Variants in MAPK10 observed in about 807,000 individuals in gnomAD.
MAPK10 encodes the protein JNK3 alpha protein kinase.
Under a neutral mutation model 59.3 loss-of-function variants are expected in MAPK10, and 25 were observed. The ratio of observed to expected loss-of-function variants is 0.42; its 90% confidence interval spans 0.31 to 0.59. The LOEUF (loss-of-function observed/expected upper bound fraction) is 0.59, where lower values mean the gene tolerates loss of function less well. Among genes scored for constraint, MAPK10 ranks in the 20% least tolerant of loss-of-function variants. MAPK10 has a pLI of 0.15. For missense variants in MAPK10, 351 were observed against 568.9 expected, an observed-to-expected ratio of 0.62 and a Z score of 3.90; for synonymous variants, 190 against 200.5, an observed-to-expected ratio of 0.95 and a Z score of 0.44.
intron 2 of MAPK10, chr4:86,340,524 T>G (rs1397927433): frequency 1.3e-5 from 2 of 152,110 alleles, no homozygotes; most frequent in Non-Finnish European, 2.9e-5. Context: ...AAGAACAGGA[T>G]GCGGGAAATC....
At chr4:86,319,056 C>T (rs1190480796) in intron 2 of MAPK10, among the ~76,000 whole-genome samples, 1 of 152,158 alleles carries the variant, frequency 6.6e-6, no homozygotes, top group Non-Finnish European at 1.5e-5. Flanking sequence ...GACCAACACT[C>T]ATTCTTCAGT....
At chr4:86,071,827 AT>A (rs1471023221) in intron 9 of MAPK10, among the ~76,000 whole-genome samples, 1 of 149,540 alleles carries the variant, frequency 6.7e-6, no homozygotes, top group African/African-American at 2.5e-5. Flanking sequence ...AGGTAGTGTG[AT>A]TCCTCCAGCT....
chr4:86,396,644 C>T (rs998382716), intron 1 of MAPK10, among the ~76,000 whole-genome samples: 2 of 152,150 alleles, frequency 1.3e-5, no homozygotes, highest in Admixed American at 6.5e-5. Flanking sequence ...AGAAACATGG[C>T]GCCAGCATCT....
chr4:86,239,565 G>A (rs990729758), intron 2 of MAPK10, among the ~76,000 whole-genome samples: 1 of 151,974 alleles, frequency 6.6e-6, no homozygotes, highest in East Asian at 1.9e-4. Context: ...CTTCTTACTG[G>A]TTTAGTCTTG....
intron 2 of MAPK10, among the ~76,000 whole-genome samples, chr4:86,315,503 C>T (rs1182623563): frequency 6.6e-6 from 1 of 151,976 alleles, no homozygotes; most frequent in Non-Finnish European, 1.5e-5. Context: ...CAAAATATCT[C>T]ATGTATCCCA....
At chr4:86,455,155 T>C (rs1400915379), upstream of MAPK10, among the ~76,000 whole-genome samples, 1 of 152,084 alleles carries the variant, frequency 6.6e-6, no homozygotes, top group Non-Finnish European at 1.5e-5. Flanking sequence ...AAACATATCC[T>C]AGAAACACAT....
At chr4:86,466,576 A>T (rs1003876606) in intron 1 of MAPK10, among the ~76,000 whole-genome samples, 13 of 152,246 alleles carry the variant, frequency 8.5e-5, no homozygotes, top group Non-Finnish European at 1.5e-4. Context: ...TTAACTAAAA[A>T]AATAATAAAA....
intron 1 of MAPK10, among the ~76,000 whole-genome samples, chr4:86,395,242 T>G (rs1431040878): frequency 1.3e-5 from 2 of 152,204 alleles, no homozygotes; most frequent in Non-Finnish European, 2.9e-5. Context: ...AAATTCATAT[T>G]TATTGGTTAC....
chr4:86,433,500 C>T (rs1054234787), intron 1 of MAPK10, among the ~76,000 whole-genome samples: 1 of 151,688 alleles, frequency 6.6e-6, no homozygotes, highest in Non-Finnish European at 1.5e-5. Context: ...TAACTTTTTT[C>T]CTCCCTCCTA....
intron 9 of MAPK10, among the ~76,000 whole-genome samples, chr4:86,072,399 A>G (rs956080127): frequency 2.0e-5 from 3 of 146,978 alleles, no homozygotes; most frequent in Non-Finnish European, 3.0e-5. Flanking sequence ...TCTCCTGTCT[A>G]ATTGCCCTGG....
At chr4:86,180,552 A>ATGTT in intron 3 of MAPK10, among the ~76,000 whole-genome samples, 1 of 151,854 alleles carries the variant, frequency 6.6e-6, no homozygotes, top group Non-Finnish European at 1.5e-5. Flanking sequence ...CTGCACCCCC[A>ATGTT]TGTTTACTGC....
chr4:86,141,912 T>A (rs1214780048), intron 4 of MAPK10, among the ~76,000 whole-genome samples: 1 of 152,208 alleles, frequency 6.6e-6, no homozygotes, highest in African/African-American at 2.4e-5. Flanking sequence ...TGGCAAGGGC[T>A]TTTGTGCTGT....
At chr4:86,574,355 G>A (rs892061574) in intron 1 of MAPK10, among the ~76,000 whole-genome samples, 8 of 151,588 alleles carry the variant, frequency 5.3e-5, no homozygotes, top group Non-Finnish European at 7.4e-5. Context: ...GAATAGTGCC[G>A]CAATAAACAT....
rs1349335015 is a variant in MAPK10 at position 86,484,071 on chromosome 4, G to C, written c.-263+109839C>G. Reference sequence around the variant, plus strand: ...TGTATTATTAAAGCTCAAGCTGGAAGATGAGGGGAGGAAGCAAGTAATGGA... The same window carrying C: ...TGTATTATTAAAGCTCAAGCTGGAACATGAGGGGAGGAAGCAAGTAATGGA... On this transcript the variant is annotated intron_variant, in intron 1 of 4. Transcript: ENST00000502302. Among the ~76,000 whole-genome samples, 7 of 152,286 alleles carry C rather than the reference G, an allele frequency of 4.6e-5. No homozygotes were observed. In the East Asian group the frequency reaches 1.4e-3, roughly 29 times the overall value.
chr4:86,121,653 T>C lies in MAPK10; in HGVS notation c.237-14301A>G, dbSNP rs527894157. On this transcript the variant is annotated intron_variant, in intron 4 of 13. Transcript: ENST00000641462. ...ATAAACCATCATATTTTGATATATG[T>C]ATACATTGCAGAACTGCTAATTCAA... Among the ~76,000 whole-genome samples, 11 of 152,314 alleles carry C rather than the reference T, an allele frequency of 7.2e-5. No individual in the cohort carries two copies. In the South Asian group the frequency reaches 2.3e-3, roughly 32 times the overall value.
intron 3 of MAPK10, among the ~76,000 whole-genome samples, chr4:86,190,697 G>A (rs1415274241): frequency 6.6e-6 from 1 of 152,028 alleles, no homozygotes. Flanking sequence ...AAAAAAACCA[G>A]CTCCTGGATT....
intron 1 of MAPK10, among the ~76,000 whole-genome samples, chr4:86,554,912 A>G (rs1156776031): frequency 1.3e-5 from 2 of 152,118 alleles, no homozygotes; most frequent in Non-Finnish European, 2.9e-5. Flanking sequence ...CCAAACCACA[A>G]TGAACTTCTC....
chr4:86,097,088 A>G (rs2054371791), intron 9 of MAPK10, among the ~76,000 whole-genome samples: 2 of 152,060 alleles, frequency 1.3e-5, no homozygotes, highest in East Asian at 1.9e-4. Flanking sequence ...TCATAATGCT[A>G]TCACCTTAAC....
At chr4:86,567,742 G>A (rs1288795417) in intron 1 of MAPK10, among the ~76,000 whole-genome samples, 1 of 152,084 alleles carries the variant, frequency 6.6e-6, no homozygotes, top group Non-Finnish European at 1.5e-5. Flanking sequence ...AAATTTAAAA[G>A]AGAAATGTAT....
Sources: allele counts gnomAD v4.1 joint callset (sites outside exome capture counted in the v4.1 genomes callset), GRCh38; gene constraint gnomAD v4.1.1; transcripts MANE v1.5; gene names NCBI Gene and HGNC (gene_info 2026-07-23, HGNC 2026-07-21).